RABGAP1L: variants seen among roughly 807,000 people sequenced by gnomAD.
RABGAP1L encodes RAB GTPase activating protein 1 like, also known as rab GTPase-activating protein 1-like.
In RABGAP1L, 63 loss-of-function variants were observed where a neutral mutation model predicts 137.7. That is an observed-to-expected ratio of 0.46 (90% CI 0.37 to 0.56). The LOEUF (loss-of-function observed/expected upper bound fraction) is 0.56, where lower values mean the gene tolerates loss of function less well. RABGAP1L is among the 20% of genes least tolerant of loss of function. RABGAP1L has a pLI of 0.00. For missense variants in RABGAP1L, 1,095 were observed against 1,244.0 expected (o/e 0.88, Z 1.80); for synonymous variants, 431 against 433.7 (o/e 0.99, Z 0.08).
chr1:174,207,261 C>T lies in RABGAP1L; in HGVS notation c.-33-11864C>T, dbSNP rs1274298510. Among the ~76,000 whole-genome samples, 8 of 152,116 alleles carry T rather than the reference C, an allele frequency of 5.3e-5. No homozygotes were observed. In the East Asian group the frequency reaches 1.5e-3, roughly 29 times the overall value. ...AGCAGTTTTGCATTTGTACACTGCT[C>T]TGTAGTACATGCTGCGTTGAAATGG... On this transcript the variant is annotated intron_variant, in intron 1 of 25. Transcript: ENST00000681986.
At chr1:174,800,780 G>A (rs1010634323) in intron 18 of RABGAP1L, among the ~76,000 whole-genome samples, 1 of 152,144 alleles carries the variant, frequency 6.6e-6, no homozygotes. Flanking sequence ...TTTCTGCCTG[G>A]CTAGGCTCAG....
chr1:174,324,935 G>A (rs1424695473), intron 11 of RABGAP1L, among the ~76,000 whole-genome samples: 2 of 152,216 alleles, frequency 1.3e-5, no homozygotes, highest in Non-Finnish European at 2.9e-5. Flanking sequence ...AAACCTCATT[G>A]TAGTGCATTG....
chr1:174,597,824 T>G (rs1670084833), intron 13 of RABGAP1L, among the ~76,000 whole-genome samples: 1 of 152,214 alleles, frequency 6.6e-6, no homozygotes, highest in Non-Finnish European at 1.5e-5. Flanking sequence ...TTTCACTGTA[T>G]TCCAGAGATA....
At chr1:174,328,009 A>ATATATATATATG (rs1558136463) in intron 11 of RABGAP1L, among the ~76,000 whole-genome samples, 23 of 128,870 alleles carry the variant, frequency 1.8e-4, no homozygotes, top group African/African-American at 7.6e-4. Flanking sequence ...ATATATATAT[A>ATATATATATATG]TATATATATA....
intron 14 of RABGAP1L, among the ~76,000 whole-genome samples, chr1:174,676,907 C>T (rs1231636253): frequency 2.6e-5 from 4 of 152,012 alleles, no homozygotes; most frequent in Non-Finnish European, 5.9e-5. Flanking sequence ...ATAGCTTAAA[C>T]CCCAGGGATA....
intron 1 of RABGAP1L, among the ~76,000 whole-genome samples, chr1:174,188,459 A>C (rs1383187695): frequency 6.6e-6 from 1 of 152,246 alleles, no homozygotes; most frequent in Non-Finnish European, 1.5e-5. Context: ...GATGAGATAC[A>C]TATAAATAAT....
rs2148653658 is a variant in RABGAP1L, at chr1:174,268,969, C to A, written c.987-3445C>A. 1.3e-5 allele frequency among the ~76,000 whole-genome samples: 2 copies of A among 151,916 alleles called. 1 individual carries two copies. Among genetic ancestry groups the A allele is most frequent in the Non-Finnish European group, 2.9e-5 (2 of 67,992 alleles). ...CTGAGACGGAGTCTTGCTCTGTTGC[C>A]CACGCTGGAGTGCAGTGGCGCAGTC... On this transcript the variant is annotated intron_variant, in intron 7 of 25. Coordinates refer to ENST00000681986, the MANE Select transcript of RABGAP1L (RefSeq NM_001366446.1).
intron 19 of RABGAP1L, among the ~76,000 whole-genome samples, chr1:174,900,790 G>A (rs966331671): frequency 6.6e-6 from 1 of 152,100 alleles, no homozygotes; most frequent in Non-Finnish European, 1.5e-5. Context: ...AAAGTGCTGG[G>A]GTTACAGGTG....
rs538759093 is a variant in RABGAP1L at position 174,186,051 on chromosome 1, G to A, written c.-34+26394G>A. ...CCAGCTACTTGGGAAGGGTGAGGCA[G>A]GAGAATCGCTTGAACCCGGGAGGCG... On this transcript the variant is annotated intron_variant, in intron 1 of 25. Coordinates refer to ENST00000681986, the MANE Select transcript of RABGAP1L (RefSeq NM_001366446.1). 2.9e-4 allele frequency among the ~76,000 whole-genome samples: 44 copies of A among 152,058 alleles called. 1 individual carries two copies. Among genetic ancestry groups the A allele is most frequent in the African/African-American group, 1.0e-3 (42 of 41,492 alleles).
intron 13 of RABGAP1L, among the ~76,000 whole-genome samples, chr1:174,626,132 A>C (rs1311274720): frequency 6.6e-6 from 1 of 152,224 alleles, no homozygotes. Context: ...AGTTGGGACA[A>C]TGAACAGTCA....
intron 1 of RABGAP1L, among the ~76,000 whole-genome samples, chr1:174,214,643 A>G (rs574512263): frequency 6.6e-6 from 1 of 152,326 alleles, no homozygotes; most frequent in Admixed American, 6.5e-5. Flanking sequence ...AGAAACACAT[A>G]GACCAGTGGA....
At chr1:174,538,851 C>T (rs2147922636) in intron 13 of RABGAP1L, among the ~76,000 whole-genome samples, 1 of 152,234 alleles carries the variant, frequency 6.6e-6, no homozygotes, top group African/African-American at 2.4e-5. Context: ...TGTAATCGTT[C>T]ATGTTTATAA....
intron 1 of RABGAP1L, among the ~76,000 whole-genome samples, chr1:174,202,273 T>C (rs1483280852): frequency 6.6e-6 from 1 of 152,146 alleles, no homozygotes; most frequent in Non-Finnish European, 1.5e-5. Context: ...ACCAACAGTG[T>C]AAAAGTGTTC....
intron 18 of RABGAP1L, among the ~76,000 whole-genome samples, chr1:174,757,880 A>G (rs1472417327): frequency 6.6e-6 from 1 of 152,068 alleles, no homozygotes. Flanking sequence ...AAAAAACGCC[A>G]GGCGTGGTGG....
chr1:174,555,441 G>T (rs1413224440), intron 13 of RABGAP1L, among the ~76,000 whole-genome samples: 2 of 152,010 alleles, frequency 1.3e-5, no homozygotes, highest in Admixed American at 1.3e-4. Flanking sequence ...TGATCACCTG[G>T]TCTAATTATA....
chr1:174,983,662 T>G (rs886268262), intron 24 of RABGAP1L, among the ~76,000 whole-genome samples: 1 of 152,202 alleles, frequency 6.6e-6, no homozygotes, highest in Non-Finnish European at 1.5e-5. Flanking sequence ...AAGCTTCATT[T>G]TGTGTTCTAT....
Position 174,165,263 on chromosome 1 carries a change from G to A in RABGAP1L, c.-34+5606G>A, listed in dbSNP as rs1245484506. On this transcript the variant is annotated intron_variant, in intron 1 of 25. Transcript: ENST00000681986. Reference sequence around the variant, plus strand: ...TCCCAGGTTCAAGTGATTCTCCTGCGTCAGCCTCCCTGAGTAGCTGGGATT... The same window carrying A: ...TCCCAGGTTCAAGTGATTCTCCTGCATCAGCCTCCCTGAGTAGCTGGGATT... Among the ~76,000 whole-genome samples the A allele has an allele frequency of 2.6e-5, 4 of 152,046 alleles. No individual in the cohort carries two copies. In the East Asian group the frequency reaches 5.8e-4, roughly 22 times the overall value.
At chr1:174,302,023 C>T (rs1481083749) in intron 10 of RABGAP1L, among the ~76,000 whole-genome samples, 1 of 152,190 alleles carries the variant, frequency 6.6e-6, no homozygotes, top group Non-Finnish European at 1.5e-5. Context: ...TTGTCTGCCT[C>T]CTGCCACTGT....
chr1:174,491,858 C>T (rs1177435309), intron 13 of RABGAP1L, among the ~76,000 whole-genome samples: 3 of 152,204 alleles, frequency 2.0e-5, no homozygotes, highest in Non-Finnish European at 4.4e-5. Context: ...TTTGCTATGA[C>T]AGGACAGCAC....
Sources: allele counts gnomAD v4.1 joint callset (sites outside exome capture counted in the v4.1 genomes callset), GRCh38; gene constraint gnomAD v4.1.1; transcripts MANE v1.5; gene names NCBI Gene and HGNC (gene_info 2026-07-23, HGNC 2026-07-21).